DLG2: variants seen among roughly 807,000 people sequenced by gnomAD.
The protein encoded by DLG2 is discs large MAGUK scaffold protein 2, also known as disks large homolog 2.
DLG2 carries 45 observed loss-of-function variants against 132.5 expected under a neutral mutation model. The observed-to-expected ratio is 0.34, with a 90% confidence interval of 0.27 to 0.44. The LOEUF is 0.44. Among genes scored for constraint, DLG2 ranks in the 20% least tolerant of loss-of-function variants. DLG2 has a pLI of 1.00. For synonymous variants in DLG2, 424 were observed against 419.6 expected (o/e 1.01, Z -0.13); for missense variants, 1,045 against 1,196.9 (o/e 0.87, Z 1.87).
At chr11:84,284,212 C>A (rs1051264769) in intron 7 of DLG2, among the ~76,000 whole-genome samples, 5 of 152,068 alleles carry the variant, frequency 3.3e-5, no homozygotes, top group Admixed American at 6.5e-5. Flanking sequence ...CCAGCCTGGG[C>A]AACAAGAGTG....
chr11:84,801,917 C>T (rs1344411418), intron 6 of DLG2, among the ~76,000 whole-genome samples: 1 of 152,140 alleles, frequency 6.6e-6, no homozygotes, highest in Admixed American at 6.5e-5. Context: ...TTCTTTGTTA[C>T]ATCTGTTTGT....
chr11:83,459,581 C>T lies in DLG2; in HGVS notation c.*237G>A, dbSNP rs2089504628. 1 of 376,196 alleles carries T rather than the reference C, an allele frequency of 2.7e-6. No individual in the cohort carries two copies. Among genetic ancestry groups the T allele is most frequent in the Non-Finnish European group, 4.9e-6 (1 of 205,506 alleles). 23.3% of individuals were successfully genotyped at this position (376,196 alleles called of 1,614,324 possible). Reference sequence around the variant, plus strand: ...GCCCGTCAGAGGTTCATCCCTACACCTGGCACTTTGAGCAAACCAAAGCCT... The same window carrying T: ...GCCCGTCAGAGGTTCATCCCTACACTTGGCACTTTGAGCAAACCAAAGCCT... On this transcript the variant is annotated 3_prime_UTR_variant, in exon 28 of 28. Coordinates refer to ENST00000376104, the MANE Select transcript of DLG2 (RefSeq NM_001142699.3).
chr11:83,562,479 A>T lies in DLG2; in HGVS notation c.1941-20621T>A, dbSNP rs572438251. Among the ~76,000 whole-genome samples, 9 of 152,194 alleles carry T rather than the reference A, an allele frequency of 5.9e-5. No homozygotes were observed. The East Asian group carries it at 1.7e-3, about 30-fold the overall frequency. On this transcript the variant is annotated intron_variant, in intron 19 of 27. Coordinates refer to ENST00000376104, the MANE Select transcript of DLG2 (RefSeq NM_001142699.3). ...AGATGGTGATGATCCTAGTACAGGC[A>T]CTCAGTTCACTGAGACTCTGGAAAG...
intron 15 of DLG2, among the ~76,000 whole-genome samples, chr11:83,907,077 G>A (rs190203888): frequency 6.6e-6 from 1 of 152,190 alleles, no homozygotes; most frequent in Non-Finnish European, 1.5e-5. Context: ...TGAAGATCTC[G>A]CACTGAAGTT....
intron 11 of DLG2, among the ~76,000 whole-genome samples, chr11:84,014,531 C>T (rs1481519669): frequency 6.6e-6 from 1 of 152,124 alleles, no homozygotes. Flanking sequence ...AGTCTTGTTC[C>T]TATTACACAA....
intron 6 of DLG2, among the ~76,000 whole-genome samples, chr11:84,782,343 T>A (rs1297495030): frequency 6.6e-6 from 1 of 151,952 alleles, no homozygotes; most frequent in Non-Finnish European, 1.5e-5. Flanking sequence ...AAAGATAACT[T>A]TGAGGATTTA....
chr11:84,598,490 T>C (rs1030909721), intron 6 of DLG2, among the ~76,000 whole-genome samples: 1 of 152,220 alleles, frequency 6.6e-6, no homozygotes, highest in African/African-American at 2.4e-5. Context: ...TCAGCTATTT[T>C]ACATTTTATC....
rs77599290 is a variant in DLG2, at chr11:84,349,579, C to T, written c.520-98288G>A. On this transcript the variant is annotated intron_variant, in intron 7 of 27. Transcript: ENST00000376104. ...GGATGTGAAACTTCTATGCTTTGCA[C>T]GGTCATGTACAGTAGGTCTAACATG... Among the ~76,000 whole-genome samples, 490 of 152,278 alleles carry T rather than the reference C, an allele frequency of 3.2e-3. 18 individuals carry two copies. The East Asian group carries it at 0.073, about 23-fold the overall frequency.
chr11:85,145,116 T>C (rs1269161847), intron 5 of DLG2, among the ~76,000 whole-genome samples: 2 of 121,128 alleles, frequency 1.7e-5, no homozygotes, highest in Non-Finnish European at 3.4e-5. Context: ...AGTTGTTTCA[T>C]TTTTTTTTTC....
At chr11:84,579,456 T>C (rs2099511309) in intron 6 of DLG2, among the ~76,000 whole-genome samples, 1 of 152,108 alleles carries the variant, frequency 6.6e-6, no homozygotes, top group Non-Finnish European at 1.5e-5. Flanking sequence ...TGCTAAACTA[T>C]AATGAAAGAT....
At chr11:85,293,931 C>G (rs1251184695) in intron 3 of DLG2, among the ~76,000 whole-genome samples, 4 of 152,048 alleles carry the variant, frequency 2.6e-5, no homozygotes, top group Non-Finnish European at 5.9e-5. Context: ...TGAATGGCAT[C>G]AGGCACTTCA....
At chr11:84,214,250 T>TACATATATATGAATATATATAC (rs2096802099) in intron 8 of DLG2, among the ~76,000 whole-genome samples, 2 of 140,242 alleles carry the variant, frequency 1.4e-5, no homozygotes, top group East Asian at 2.0e-4. Flanking sequence ...AATATATATA[T>TACATATATATGAATATATATAC]ACATATATAT....
At chr11:85,274,376 AAAAG>A (rs2077750640) in intron 4 of DLG2, among the ~76,000 whole-genome samples, 2 of 152,174 alleles carry the variant, frequency 1.3e-5, no homozygotes, top group South Asian at 4.1e-4. Flanking sequence ...CAATAACAAA[AAAAG>A]AGTCTCCTTT....
At chr11:83,757,791 A>G (rs2065598288) in intron 18 of DLG2, among the ~76,000 whole-genome samples, 1 of 152,078 alleles carries the variant, frequency 6.6e-6, no homozygotes, top group Non-Finnish European at 1.5e-5. Flanking sequence ...TTTGATGCCT[A>G]AAGTTCCTTT....
At chr11:85,207,270 G>T (rs1487485613) in intron 4 of DLG2, among the ~76,000 whole-genome samples, 1 of 152,126 alleles carries the variant, frequency 6.6e-6, no homozygotes, top group African/African-American at 2.4e-5. Flanking sequence ...TTTTCTAAGA[G>T]GAGGGCTAGC....
chr11:84,509,632 G>C (rs2099251639), intron 7 of DLG2, among the ~76,000 whole-genome samples: 1 of 151,998 alleles, frequency 6.6e-6, no homozygotes, highest in African/African-American at 2.4e-5. Flanking sequence ...CAAATAGAAA[G>C]ACTAAATTAC....
Position 83,668,770 on chromosome 11 carries a change from AAC to A in DLG2, c.1826-35447_1826-35446del, listed in dbSNP as rs781679636. Reference sequence around the variant, plus strand: ...AAACACACATATATATGTGTATATAAACACACATATATATGTGTATATAAACA... The same window carrying A: ...AAACACACATATATATGTGTATATAAACACATATATATGTGTATATAAACA... On this transcript the variant is annotated intron_variant, in intron 18 of 27. Coordinates refer to ENST00000376104, the MANE Select transcript of DLG2 (RefSeq NM_001142699.3). 1.8e-3 allele frequency among the ~76,000 whole-genome samples: 219 copies of A among 121,330 alleles called. 1 individual carries two copies. Among genetic ancestry groups the A allele is most frequent in the African/African-American group, 6.7e-3 (177 of 26,474 alleles). The allele number at this position is 121,330 out of a possible 152,430, so 79.6% of individuals were successfully genotyped here.
intron 5 of DLG2, among the ~76,000 whole-genome samples, chr11:85,112,153 T>C (rs2072872869): frequency 6.6e-6 from 1 of 152,092 alleles, no homozygotes; most frequent in Admixed American, 6.6e-5. Flanking sequence ...GACTATAAGC[T>C]AGTGATGGTG....
chr11:85,084,708 T>C (rs186071002), intron 6 of DLG2, among the ~76,000 whole-genome samples: 129 of 152,216 alleles, frequency 8.5e-4, no homozygotes, highest in African/African-American at 3.1e-3. Flanking sequence ...CCCATTATCC[T>C]TCAACAATAG....
Sources: allele counts gnomAD v4.1 joint callset (sites outside exome capture counted in the v4.1 genomes callset), GRCh38; gene constraint gnomAD v4.1.1; transcripts MANE v1.5; gene names NCBI Gene and HGNC (gene_info 2026-07-23, HGNC 2026-07-21).